The following DRAM1 variants were observed in gnomAD, a reference collection of about 807,000 sequenced individuals.
DRAM1 encodes DNA damage-regulated autophagy modulator protein 1.
A neutral mutation model predicts 28.5 loss-of-function variants in DRAM1; 25 were observed. The ratio of observed to expected loss-of-function variants is 0.88; its 90% CI spans 0.64 to 1.23. The LOEUF (loss-of-function observed/expected upper bound fraction) is 1.23. Among genes scored for constraint, DRAM1 ranks in the 50% most tolerant of loss-of-function variants. The pLI is 0.00. For synonymous variants in DRAM1, 113 were observed against 114.2 expected (o/e 0.99, Z 0.07); for missense variants, 249 against 299.2 (o/e 0.83, Z 1.24).
intron 1 of DRAM1, among the ~76,000 whole-genome samples, chr12:101,879,033 C>T (rs531822856): frequency 6.6e-6 from 1 of 151,936 alleles, no homozygotes; most frequent in South Asian, 2.1e-4. Flanking sequence ...CTTGTTCTGT[C>T]GCCCAGGCTG....
At chr12:101,887,678 G>A (rs990955395) in intron 1 of DRAM1, among the ~76,000 whole-genome samples, 2 of 151,830 alleles carry the variant, frequency 1.3e-5, no homozygotes, top group African/African-American at 2.4e-5. Context: ...CTACAGGCAC[G>A]TGCCACCATG....
In DRAM1 at chr12:101,877,619, G is replaced by C. The variant is rs1200969643; in HGVS notation, c.-171G>C. 39 of 367,374 alleles carry C rather than the reference G, an allele frequency of 1.1e-4. No individual in the cohort carries two copies. In the East Asian group the frequency reaches 1.9e-3, roughly 18 times the overall value. The allele number at this position is 367,374 out of a possible 1,614,324, so 22.8% of individuals were successfully genotyped here. On this transcript the variant is annotated 5_prime_UTR_variant, in exon 1 of 7. Transcript: ENST00000258534. This position sits in a 1 kb window ranked among gnomAD's most constrained non-coding sequence, Gnocchi z 4.1. ...GCCTCGCCGCCCGCAGCCTCGCTCC[G>C]CTCCTCGCGCTTCCCCTCCCTCCGG... is the stretch of plus-strand genomic sequence containing the variant.
chr12:101,896,659 G>A (rs138864100), intron 1 of DRAM1, among the ~76,000 whole-genome samples: 39 of 152,158 alleles, frequency 2.6e-4, no homozygotes, highest in Middle Eastern at 3.4e-3. Flanking sequence ...TTAATTGAAA[G>A]ACTGTACCTG....
chr12:101,887,311 G>A (rs1280111975), intron 1 of DRAM1, among the ~76,000 whole-genome samples: 1 of 152,088 alleles, frequency 6.6e-6, no homozygotes, highest in Non-Finnish European at 1.5e-5. Context: ...CTTCAAAAGT[G>A]TTTTTAAGAC....
Position 101,921,214 on chromosome 12 carries a change from A to G in DRAM1, c.673-2A>G. On this transcript the variant is annotated splice_acceptor_variant, in intron 6 of 6. Transcript: ENST00000258534. LOFTEE classifies it high-confidence loss of function. ...ACCTTTCTCTTTCATTTTTAAAAAT[A>G]GAGTGTCACCCTAAGGATATCCACA... The G allele has an allele frequency of 6.3e-7, 1 of 1,594,764 alleles. No individual in the cohort carries two copies. Among genetic ancestry groups the G allele is most frequent in the Non-Finnish European group, 8.6e-7 (1 of 1,162,456 alleles).
chr12:101,909,299 C>T (rs980045778), intron 4 of DRAM1, among the ~76,000 whole-genome samples: 1 of 144,488 alleles, frequency 6.9e-6, no homozygotes, highest in African/African-American at 2.6e-5. Flanking sequence ...AATGTCTCAA[C>T]ATTGTCTAAT....
chr12:101,919,680 T>C (rs1874399820), intron 5 of DRAM1, among the ~76,000 whole-genome samples: 1 of 152,238 alleles, frequency 6.6e-6, no homozygotes, highest in South Asian at 2.1e-4. Context: ...TTCATCTAGA[T>C]GTGTACACAC....
intron 1 of DRAM1, among the ~76,000 whole-genome samples, chr12:101,889,141 C>T (rs1390062569): frequency 2.6e-5 from 4 of 152,112 alleles, no homozygotes; most frequent in African/African-American, 7.2e-5. Context: ...GTCCTCTTTA[C>T]GTCACAGTAA....
At chr12:101,889,820 A>G (rs1056721497) in intron 1 of DRAM1, among the ~76,000 whole-genome samples, 5 of 151,650 alleles carry the variant, frequency 3.3e-5, no homozygotes, top group Non-Finnish European at 7.4e-5. Flanking sequence ...GGTGCCTGTA[A>G]TCCCAGCTAC....
chr12:101,914,225 G>A lies in DRAM1; in HGVS notation c.572G>A (p.Arg191Lys), dbSNP rs779626384. 11 of 1,607,312 alleles carry A rather than the reference G, an allele frequency of 6.8e-6. No homozygotes were observed. The highest frequency in any genetic ancestry group is 1.6e-4 in the Middle Eastern group (1 of 6,072). The change falls in exon 5 of 7, where the codon AGA becomes AAA. Residue 191 changes from arginine (R) to lysine (K), a missense_variant. Physicochemically the swap from Arg to Lys is conservative, Grantham distance 26 (BLOSUM62 2). This residue lies in a region of DRAM1 where 218 missense variants were observed against 243.1 expected (regional missense o/e 0.90). Transcript: ENST00000258534. Reference sequence around the variant, plus strand: ...ATAACCAAGCTGGAGTGGAATCCAAGAGAAAAGGTAACATTTAAGTTGTTG... The same window carrying A: ...ATAACCAAGCTGGAGTGGAATCCAAAAGAAAAGGTAACATTTAAGTTGTTG... ...ISITKLEWNP[R>K]EKDYVYHVVS...
chr12:101,901,175 G>A, intron 2 of DRAM1, 116 bp from the exon 3 acceptor site: 1 of 1,140,016 alleles, frequency 8.8e-7, no homozygotes, highest in Non-Finnish European at 1.2e-6. Context: ...ACAGGGGTGG[G>A]AAAGTGGGGA....
chr12:101,913,705 C>CAAAA (rs60536139), intron 4 of DRAM1, among the ~76,000 whole-genome samples: 6 of 50,164 alleles, frequency 1.2e-4, no homozygotes, highest in African/African-American at 1.8e-4. Flanking sequence ...GAGTACGTCT[C>CAAAA]AAAAAAAAAA....
intron 2 of DRAM1, among the ~76,000 whole-genome samples, chr12:101,900,761 G>C (rs1873571034): frequency 6.6e-6 from 1 of 152,110 alleles, no homozygotes; most frequent in Admixed American, 6.5e-5. Context: ...AATTGTGCAT[G>C]GTTTTTTGAC....
intron 1 of DRAM1, among the ~76,000 whole-genome samples, chr12:101,878,175 G>A (rs1447176210): frequency 6.6e-6 from 1 of 152,152 alleles, no homozygotes; most frequent in African/African-American, 2.4e-5. Context: ...AGATGGTAGA[G>A]CTTTCATTCT....
intron 3 of DRAM1, among the ~76,000 whole-genome samples, chr12:101,903,926 TAC>T (rs775764624): frequency 0.32 from 43,011 of 135,654 alleles, 6,296 homozygotes; most frequent in Middle Eastern, 0.44. Context: ...CACACACACA[TAC>T]ACACACACAC....
intron 1 of DRAM1, among the ~76,000 whole-genome samples, chr12:101,884,842 G>T (rs180794956): frequency 1.7e-3 from 255 of 152,014 alleles, no homozygotes; most frequent in African/African-American, 6.1e-3. Context: ...GGAAAATAAC[G>T]ATTTTAACTT....
chr12:101,914,332 G>A (rs1594311697), intron 5 of DRAM1, 100 bp downstream of exon 5: 1 of 739,128 alleles, frequency 1.4e-6, no homozygotes, highest in Non-Finnish European at 2.1e-6. Context: ...CTTAGAACAA[G>A]TTGCAAAATG....
At chr12:101,908,509 A>G (rs528553926) in intron 4 of DRAM1, 146 bp downstream of exon 4, 41 of 797,202 alleles carry the variant, frequency 5.1e-5, no homozygotes, top group Admixed American at 2.1e-4. Context: ...TGAATACAGC[A>G]TTGGCAAGTG....
intron 1 of DRAM1, among the ~76,000 whole-genome samples, chr12:101,880,862 C>T (rs765144815): frequency 6.6e-6 from 1 of 152,126 alleles, no homozygotes; most frequent in Non-Finnish European, 1.5e-5. Flanking sequence ...AACAAGGAAG[C>T]CTTCAGGAAA....
Sources: gnomAD v4.1 joint callset for allele counts (sites outside exome capture counted in the v4.1 genomes callset) on GRCh38, gnomAD v4.1.1 for gene constraint, gnomAD v4.1.1 regional missense constraint, Gnocchi (gnomAD v3.1) non-coding constraint, MANE v1.5 for transcripts, NCBI Gene and HGNC (gene_info 2026-07-23, HGNC 2026-07-21) for gene names.